PHACTR1: variants seen among roughly 807,000 people sequenced by gnomAD.
PHACTR1 encodes the protein RPEL repeat containing 1.
PHACTR1 carries 16 observed loss-of-function variants against 69.2 expected under a neutral mutation model. The observed-to-expected ratio is 0.23, with a 90% CI of 0.16 to 0.35. The LOEUF is 0.35. PHACTR1 is among the 10% of genes least tolerant of loss of function. The probability of loss-of-function intolerance (pLI) is 1.00; values close to 1 mark genes in which losing one functional copy is unlikely to be tolerated. For missense variants in PHACTR1, 510 were observed against 734.7 expected, an observed-to-expected ratio of 0.69 and a Z score of 3.54; for synonymous variants, 312 against 284.5, an observed-to-expected ratio of 1.10 and a Z score of -0.97.
At chr6:13,263,842 C>T (rs1209327316) in intron 10 of PHACTR1, among the ~76,000 whole-genome samples, 2 of 152,172 alleles carry the variant, frequency 1.3e-5, no homozygotes, top group Non-Finnish European at 2.9e-5. Context: ...ATGATTCATA[C>T]AGGTGACCAC....
chr6:12,773,835 G>A (rs1323325687), intron 4 of PHACTR1, among the ~76,000 whole-genome samples: 1 of 152,090 alleles, frequency 6.6e-6, no homozygotes, highest in Non-Finnish European at 1.5e-5. Context: ...TTCTTGTTTG[G>A]TGAGCTCATC....
At position 12,744,067 on chromosome 6, in the gene PHACTR1, C is replaced by A. The variant is rs565613788; in HGVS notation, c.104-5577C>A. Among the ~76,000 whole-genome samples the A allele has an allele frequency of 5.9e-5, 9 of 152,226 alleles. No homozygotes were observed. In the South Asian group the frequency reaches 1.9e-3, roughly 32 times the overall value. On this transcript the variant is annotated intron_variant, in intron 3 of 14. Transcript: ENST00000332995. ...GCTCCTGAATGACTACTGGGTACAT[C>A]ACGAAATGAAGGCAGAAATAAATAT...
intron 4 of PHACTR1, among the ~76,000 whole-genome samples, chr6:12,852,805 A>G (rs1050304077): frequency 6.6e-6 from 1 of 152,140 alleles, no homozygotes; most frequent in Non-Finnish European, 1.5e-5. Context: ...ATCATTCCTC[A>G]CTCTGATAGT....
At chr6:13,231,475 GGAAA>G (rs1771186324) in intron 10 of PHACTR1, among the ~76,000 whole-genome samples, 1 of 150,386 alleles carries the variant, frequency 6.6e-6, no homozygotes, top group Non-Finnish European at 1.5e-5. Context: ...AAGGAAGGAA[GGAAA>G]GAAGGAAGGA....
intron 4 of PHACTR1, among the ~76,000 whole-genome samples, chr6:12,752,432 T>C (rs952326087): frequency 9.9e-5 from 15 of 152,208 alleles, no homozygotes; most frequent in Non-Finnish European, 8.8e-5. Flanking sequence ...GCCCTTTCTT[T>C]CCAATCCTGC....
chr6:13,075,224 C>T lies in PHACTR1; in HGVS notation c.415+21695C>T, dbSNP rs531429025. ...TATATTAACTCCTATTATCACAAACCCATATGAGATAAGAACTATTCATAT... is the reference window on the plus strand; with the variant it reads ...TATATTAACTCCTATTATCACAAACTCATATGAGATAAGAACTATTCATAT... On this transcript the variant is annotated intron_variant, in intron 5 of 14. Transcript: ENST00000332995. 6.6e-5 allele frequency among the ~76,000 whole-genome samples: 10 copies of T among 152,258 alleles called. No homozygotes were observed. The South Asian group carries it at 2.1e-3, about 32-fold the overall frequency.
intron 4 of PHACTR1, among the ~76,000 whole-genome samples, chr6:12,914,689 C>T: frequency 6.6e-6 from 1 of 151,920 alleles, no homozygotes. Flanking sequence ...GGGGAGCAAT[C>T]AGGAGACAGA....
At chr6:13,061,475 C>T (rs942026717) in intron 5 of PHACTR1, among the ~76,000 whole-genome samples, 2 of 152,090 alleles carry the variant, frequency 1.3e-5, no homozygotes, top group African/African-American at 4.8e-5. Context: ...GGAACAATTG[C>T]AGAAGCAATA....
chr6:13,185,019 T>C, intron 7 of PHACTR1: 2 of 1,346,706 alleles, frequency 1.5e-6, no homozygotes, highest in Non-Finnish European at 2.0e-6. Context: ...AGTGCAGACG[T>C]CTTCTGGGGC....
chr6:13,048,776 C>A (rs998952268), intron 4 of PHACTR1, among the ~76,000 whole-genome samples: 8 of 152,192 alleles, frequency 5.3e-5, no homozygotes, highest in African/African-American at 1.9e-4. Flanking sequence ...AGGTGATCCA[C>A]CTGCCTTGGC....
chr6:12,944,931 C>T (rs1169370890), intron 4 of PHACTR1, among the ~76,000 whole-genome samples: 5 of 151,908 alleles, frequency 3.3e-5, no homozygotes, highest in African/African-American at 9.7e-5. Flanking sequence ...TACAGACACC[C>T]GCCACCACGC....
chr6:12,840,164 T>C (rs1778553714), intron 4 of PHACTR1, among the ~76,000 whole-genome samples: 1 of 152,120 alleles, frequency 6.6e-6, no homozygotes, highest in Non-Finnish European at 1.5e-5. Flanking sequence ...CCACAGCGAG[T>C]CCTTTGTAGG....
intron 4 of PHACTR1, among the ~76,000 whole-genome samples, chr6:12,850,948 C>T (rs139756864): frequency 4.6e-5 from 7 of 152,254 alleles, no homozygotes; most frequent in East Asian, 3.9e-4. Context: ...TTCCAAGGTA[C>T]GGGAATTCAG....
intron 5 of PHACTR1, among the ~76,000 whole-genome samples, chr6:13,133,194 A>G (rs1291053015): frequency 8.5e-6 from 1 of 117,498 alleles, no homozygotes; most frequent in African/African-American, 3.4e-5. Flanking sequence ...TTGAAAATCT[A>G]TTTGGCCTCC....
At position 12,881,945 on chromosome 6, in the gene PHACTR1, G is replaced by A. The variant is rs137981348; in HGVS notation, c.250+132155G>A. 2.3e-4 allele frequency among the ~76,000 whole-genome samples: 35 copies of A among 152,290 alleles called. No homozygotes were observed. In the East Asian group the frequency reaches 6.7e-3, roughly 29 times the overall value. On this transcript the variant is annotated intron_variant, in intron 4 of 14. Coordinates refer to ENST00000332995, the MANE Select transcript of PHACTR1 (RefSeq NM_030948.6). ...GAGTAAAAATGAAGTCAGAGAGGTGGGAAATGAACCAGGGTACAGAAGTGT... is the reference window on the plus strand; with the variant it reads ...GAGTAAAAATGAAGTCAGAGAGGTGAGAAATGAACCAGGGTACAGAAGTGT...
chr6:13,013,395 G>A (rs548848251), intron 4 of PHACTR1, among the ~76,000 whole-genome samples: 1 of 152,374 alleles, frequency 6.6e-6, no homozygotes, highest in South Asian at 2.1e-4. Flanking sequence ...TGTGGCCCTG[G>A]AGGGGAGCTT....
chr6:12,929,903 A>C (rs906389754), intron 4 of PHACTR1, among the ~76,000 whole-genome samples: 1 of 152,248 alleles, frequency 6.6e-6, no homozygotes, highest in African/African-American at 2.4e-5. Context: ...ATGTTATTGC[A>C]AATGACAGTC....
At chr6:12,758,184 C>A (rs1383938955) in intron 4 of PHACTR1, among the ~76,000 whole-genome samples, 1 of 152,102 alleles carries the variant, frequency 6.6e-6, no homozygotes, top group Non-Finnish European at 1.5e-5. Context: ...GTGGCTCACA[C>A]CTGTAATCCA....
intron 12 of PHACTR1, chr6:13,281,038 C>T: frequency 7.8e-7 from 1 of 1,289,618 alleles, no homozygotes; most frequent in South Asian, 1.2e-5. Context: ...CCTCTGAGCA[C>T]TTGTGCTCTA....
Sources: gnomAD v4.1 joint callset for allele counts (sites outside exome capture counted in the v4.1 genomes callset) on GRCh38, gnomAD v4.1.1 for gene constraint, MANE v1.5 for transcripts, NCBI Gene and HGNC (gene_info 2026-07-23, HGNC 2026-07-21) for gene names.